Variants in ZNF248 observed in about 807,000 individuals in gnomAD.
ZNF248 encodes the protein KRAB protein domain.
A neutral mutation model predicts 44.3 loss-of-function variants in ZNF248; 20 were observed. The ratio of observed to expected loss-of-function variants is 0.45; its 90% CI spans 0.32 to 0.66. The LOEUF (loss-of-function observed/expected upper bound fraction) is 0.66. Ranked by LOEUF, ZNF248 falls within the 30% of genes least tolerant of loss-of-function variation. The pLI, the probability that ZNF248 is intolerant of heterozygous loss-of-function variation, is 0.04. For synonymous variants in ZNF248, 224 were observed against 229.0 expected (o/e 0.98, Z 0.20); for missense variants, 654 against 677.0 (o/e 0.97, Z 0.38).
intron 3 of ZNF248, among the ~76,000 whole-genome samples, chr10:37,851,982 T>A (rs2060336921): frequency 6.6e-6 from 1 of 151,990 alleles, no homozygotes. Flanking sequence ...GCGCGGTGGC[T>A]CACGTCTGTA....
At chr10:37,798,348 A>C (rs1483746831) in intron 6 of ZNF248, among the ~76,000 whole-genome samples, 1 of 152,130 alleles carries the variant, frequency 6.6e-6, no homozygotes, top group Non-Finnish European at 1.5e-5. Context: ...AGTGATGAAA[A>C]TGTTCTGGAA....
chr10:37,766,699 C>T, the ZNF248 span, among the ~76,000 whole-genome samples: 2 of 152,146 alleles, frequency 1.3e-5, no homozygotes, highest in Non-Finnish European at 2.9e-5. Flanking sequence ...AAACTGGAAA[C>T]TCTAAAAAGC....
At chr10:37,854,618 C>T (rs1564692439) in intron 3 of ZNF248, among the ~76,000 whole-genome samples, 1 of 152,162 alleles carries the variant, frequency 6.6e-6, no homozygotes, top group Non-Finnish European at 1.5e-5. Context: ...CCATGCATTG[C>T]CAATGGGAAA....
Position 37,828,981 on chromosome 10 carries a change from G to A in ZNF248, c.*2634C>T, listed in dbSNP as rs1385379909. 3 of 985,338 alleles carry A rather than the reference G, an allele frequency of 3.0e-6. No homozygotes were observed. Among genetic ancestry groups the A allele is most frequent in the Non-Finnish European group, 3.6e-6 (3 of 829,952 alleles). 61.0% of individuals were successfully genotyped at this position (985,338 alleles called of 1,614,324 possible). ...AGAAACACTTAACTTGCAACTAGTA[G>A]AATAACTTTATTTCTAACACTGAGC... On this transcript the variant is annotated 3_prime_UTR_variant, in exon 6 of 6. Transcript: ENST00000395867.
chr10:37,839,871 T>C (rs1334818808), intron 3 of ZNF248, among the ~76,000 whole-genome samples: 2 of 152,200 alleles, frequency 1.3e-5, no homozygotes, highest in Non-Finnish European at 2.9e-5. Flanking sequence ...AAAATACACA[T>C]TCTATCCTTC....
At chr10:37,773,079 C>T (rs182869613), downstream of ZNF248, among the ~76,000 whole-genome samples, 432 of 152,076 alleles carry the variant, frequency 2.8e-3, 1 homozygote, top group African/African-American at 9.7e-3. Context: ...AAACCCCGTC[C>T]CTACTAAAAT....
At chr10:37,844,247 G>T (rs914033562) in intron 3 of ZNF248, among the ~76,000 whole-genome samples, 1 of 152,158 alleles carries the variant, frequency 6.6e-6, no homozygotes, top group Non-Finnish European at 1.5e-5. Flanking sequence ...TGCCAGCCAG[G>T]AATTGTAAAC....
At chr10:37,787,396 G>A (rs1375990980) in intron 6 of ZNF248, among the ~76,000 whole-genome samples, 3 of 152,182 alleles carry the variant, frequency 2.0e-5, no homozygotes, top group East Asian at 1.9e-4. Flanking sequence ...CATAGATAAT[G>A]GAAATTAATT....
At chr10:37,776,311 G>C (rs2046584392), downstream of ZNF248, 1 of 339,510 alleles carries the variant, frequency 2.9e-6, no homozygotes, top group African/African-American at 2.1e-5. Flanking sequence ...CTGAGACGTG[G>C]TCCAAACCTT....
intron 6 of ZNF248, among the ~76,000 whole-genome samples, chr10:37,804,875 A>T (rs1054335115): frequency 5.9e-5 from 9 of 152,348 alleles, no homozygotes; most frequent in Middle Eastern, 3.4e-3. Flanking sequence ...TTTAATAGCT[A>T]AATAATTGTA....
chr10:37,796,058 C>G (rs567701011), intron 6 of ZNF248: 1 of 152,124 alleles, frequency 6.6e-6, no homozygotes, highest in South Asian at 2.1e-4. Context: ...ATACATTTCT[C>G]TCAGGAAGAA....
At chr10:37,813,829 G>C (rs1284537203) in intron 6 of ZNF248, among the ~76,000 whole-genome samples, 1 of 152,096 alleles carries the variant, frequency 6.6e-6, no homozygotes, top group Non-Finnish European at 1.5e-5. Flanking sequence ...AGGATCAACT[G>C]CACTCACTCC....
Position 37,778,440 on chromosome 10 carries a change from T to G in ZNF248, c.331-1865A>C, listed in dbSNP as rs999020460. On this transcript the variant is annotated intron_variant, in intron 6 of 6. Coordinates refer to the ZNF248 transcript ENST00000615949. The stretch of plus-strand genomic sequence containing the variant: ...CATTGTAGATTCTGGATATTAGCCC[T>G]TTGTCAGATGAGTAGGTTGCGAAAA... Among the ~76,000 whole-genome samples, 195 of 152,118 alleles carry G rather than the reference T, an allele frequency of 1.3e-3. 6 individuals carry two copies. The South Asian group carries it at 0.04, about 31-fold the overall frequency.
chr10:37,778,316 T>TG (rs1308622182), intron 6 of ZNF248, among the ~76,000 whole-genome samples: 2 of 152,234 alleles, frequency 1.3e-5, no homozygotes, highest in African/African-American at 4.8e-5. Flanking sequence ...ATGTGTTTTT[T>TG]GGCTGCATAA....
At position 37,831,379 on chromosome 10, in the gene ZNF248, G is replaced by A; in HGVS notation, c.*236C>T. Reference sequence around the variant, plus strand: ...CAACAAAATTTTGGTATCACGTCTGGAATATAACACTAAACAACATAAATT... The same window carrying A: ...CAACAAAATTTTGGTATCACGTCTGAAATATAACACTAAACAACATAAATT... On this transcript the variant is annotated 3_prime_UTR_variant, in exon 6 of 6. Transcript: ENST00000395867. The A allele has an allele frequency of 6.5e-7, 1 of 1,544,726 alleles. No homozygotes were observed. Among genetic ancestry groups the A allele is most frequent in the Non-Finnish European group, 8.7e-7 (1 of 1,144,070 alleles).
At chr10:37,774,492 T>C (rs952938251), downstream of ZNF248, among the ~76,000 whole-genome samples, 2 of 152,034 alleles carry the variant, frequency 1.3e-5, no homozygotes, top group African/African-American at 4.8e-5. Context: ...TCAAGAAAAA[T>C]AGGGTAAGAG....
chr10:37,817,954 C>T (rs1477149442), intron 6 of ZNF248, among the ~76,000 whole-genome samples: 1 of 152,048 alleles, frequency 6.6e-6, no homozygotes, highest in African/African-American at 2.4e-5. Context: ...GTCACTCTGT[C>T]GCCCAGGCTG....
At chr10:37,812,468 A>G (rs931893370) in intron 6 of ZNF248, among the ~76,000 whole-genome samples, 1 of 152,134 alleles carries the variant, frequency 6.6e-6, no homozygotes, top group African/African-American at 2.4e-5. Flanking sequence ...AACTGCTAAC[A>G]CCCAGCCTTG....
At chr10:37,821,555 GTTC>G (rs2053470546) in intron 6 of ZNF248, among the ~76,000 whole-genome samples, 1 of 152,148 alleles carries the variant, frequency 6.6e-6, no homozygotes, top group Admixed American at 6.5e-5. Context: ...CAGAGGGTCA[GTTC>G]TTCTGGAATT....
Sources: gnomAD v4.1 joint callset for allele counts (sites outside exome capture counted in the v4.1 genomes callset) on GRCh38, gnomAD v4.1.1 for gene constraint, MANE v1.5 for transcripts, NCBI Gene and HGNC (gene_info 2026-07-23, HGNC 2026-07-21) for gene names.